Variants in PDLIM5 observed in about 807,000 individuals in gnomAD.
The protein encoded by PDLIM5 is PDZ and LIM domain 5.
Under a neutral mutation model 64.2 loss-of-function variants are expected in PDLIM5, and 34 were observed. That is an observed-to-expected ratio of 0.53 (90% confidence interval 0.40 to 0.71). The LOEUF (loss-of-function observed/expected upper bound fraction) is 0.71, where lower values mean the gene tolerates loss of function less well. Ranked by LOEUF, PDLIM5 falls within the 30% of genes least tolerant of loss-of-function variation. The pLI is 0.00. For missense variants in PDLIM5, 683 were observed against 733.6 expected (o/e 0.93, Z 0.80); for synonymous variants, 253 against 269.1 (o/e 0.94, Z 0.59).
At chr4:94,504,571 C>T (rs572292160) in intron 2 of PDLIM5, among the ~76,000 whole-genome samples, 13 of 152,310 alleles carry the variant, frequency 8.5e-5, no homozygotes, top group South Asian at 2.1e-4. Flanking sequence ...AGGTGTGAGC[C>T]GCCGTGCCTG....
chr4:94,639,959 G>A (rs1177341171), intron 8 of PDLIM5, among the ~76,000 whole-genome samples: 4 of 151,878 alleles, frequency 2.6e-5, no homozygotes, highest in African/African-American at 7.3e-5. Flanking sequence ...CCCAGGAGGC[G>A]GAGGATGCAG....
intron 7 of PDLIM5, among the ~76,000 whole-genome samples, chr4:94,616,220 C>T (rs1336446814): frequency 1.3e-5 from 2 of 151,934 alleles, no homozygotes; most frequent in South Asian, 2.1e-4. Context: ...GTAATTTAAT[C>T]CCAGAATGAA....
chr4:94,605,378 A>T (rs1298617609), intron 7 of PDLIM5, among the ~76,000 whole-genome samples: 1 of 152,250 alleles, frequency 6.6e-6, no homozygotes, highest in African/African-American at 2.4e-5. Context: ...ATGCATGAAT[A>T]GCTCTTTGTT....
At chr4:94,515,342 T>C (rs1384785032) in intron 2 of PDLIM5, among the ~76,000 whole-genome samples, 2 of 152,206 alleles carry the variant, frequency 1.3e-5, no homozygotes, top group Admixed American at 6.5e-5. Context: ...ATTATTAAGG[T>C]TTTTAAAAAG....
In PDLIM5 at chr4:94,654,533, A is replaced by G; in HGVS notation, c.1357A>G (p.Met453Val). ...EFNCAHCKNTMAYIGFVEEKG... is the reference protein window; with the variant it reads ...EFNCAHCKNTVAYIGFVEEKG... ...CAACTGCGCTCACTGCAAAAATACAATGGCCTACATTGGATTTGTAGAGGA... is the reference window on the plus strand; with the variant it reads ...CAACTGCGCTCACTGCAAAAATACAGTGGCCTACATTGGATTTGTAGAGGA... The change falls in exon 10 of 13, where the codon ATG (methionine) becomes GTG (valine). Residue 453 changes from methionine (M) to valine (V), a missense_variant. Transcript: ENST00000317968. 2.5e-6 allele frequency: 4 copies of G among 1,611,086 alleles called. No homozygotes were observed. The highest frequency in any genetic ancestry group is 1.7e-4 in the Middle Eastern group (1 of 6,056).
At chr4:94,646,896 T>A (rs1339207539) in intron 9 of PDLIM5, among the ~76,000 whole-genome samples, 1 of 152,122 alleles carries the variant, frequency 6.6e-6, no homozygotes, top group East Asian at 1.9e-4. Context: ...CTCAGGTATG[T>A]TCCTTCTTTT....
At chr4:94,545,242 C>T (rs1341922224) in intron 3 of PDLIM5, among the ~76,000 whole-genome samples, 1 of 152,164 alleles carries the variant, frequency 6.6e-6, no homozygotes, top group African/African-American at 2.4e-5. Flanking sequence ...AGCAATAAAA[C>T]TCTTGAAACC....
chr4:94,547,036 G>A (rs1359709099), intron 3 of PDLIM5, among the ~76,000 whole-genome samples: 1 of 151,932 alleles, frequency 6.6e-6, no homozygotes, highest in Non-Finnish European at 1.5e-5. Flanking sequence ...CCAGAACATG[G>A]TTAATTCTGA....
At chr4:94,509,634 G>A (rs544531520) in intron 2 of PDLIM5, among the ~76,000 whole-genome samples, 1 of 152,132 alleles carries the variant, frequency 6.6e-6, no homozygotes, top group Non-Finnish European at 1.5e-5. Context: ...ATTAACTCAC[G>A]TGATCACAAG....
At chr4:94,511,811 C>G (rs1219029205) in intron 2 of PDLIM5, among the ~76,000 whole-genome samples, 1 of 152,130 alleles carries the variant, frequency 6.6e-6, no homozygotes, top group African/African-American at 2.4e-5. Context: ...GGATCTCATT[C>G]CTTTTTATGG....
chr4:94,642,568 T>G (rs1175400370), intron 9 of PDLIM5, among the ~76,000 whole-genome samples: 1 of 152,216 alleles, frequency 6.6e-6, no homozygotes, highest in East Asian at 1.9e-4. Context: ...TATCCAGTAC[T>G]TGTTATCAGT....
At chr4:94,586,336 C>T in intron 6 of PDLIM5, 72 bp from the exon 7 acceptor site, 2 of 789,882 alleles carry the variant, frequency 2.5e-6, no homozygotes, top group Non-Finnish European at 2.2e-6. Flanking sequence ...TTGATTGGTG[C>T]AGGTAATTGC....
chr4:94,526,368 C>T (rs1730351011), intron 3 of PDLIM5, among the ~76,000 whole-genome samples: 1 of 152,144 alleles, frequency 6.6e-6, no homozygotes, highest in Admixed American at 6.5e-5. Context: ...ACAAAATTGA[C>T]TTGTTATAAA....
rs373777752 is a variant in PDLIM5 at position 94,455,523 on chromosome 4, T to C, written c.96+139T>C. ...TTTGATCTTGGCAAATTTGATTATC[T>C]ATAATAAAGGATGAGGGGAGTAGAT... On this transcript the variant is annotated intron_variant, in intron 2 of 12. Transcript: ENST00000317968. 2.3e-5 allele frequency: 16 copies of C among 697,932 alleles called. No individual in the cohort carries two copies. The African/African-American group carries it at 2.3e-4, about 10-fold the overall frequency. The allele number at this position is 697,932 out of a possible 1,614,324, so 43.2% of individuals were successfully genotyped here.
chr4:94,484,546 A>G (rs1300960750), intron 2 of PDLIM5, among the ~76,000 whole-genome samples: 2 of 152,176 alleles, frequency 1.3e-5, no homozygotes, highest in Non-Finnish European at 2.9e-5. Flanking sequence ...ATGCATTCTT[A>G]TTTGTATCTC....
intron 4 of PDLIM5, among the ~76,000 whole-genome samples, chr4:94,574,835 T>G (rs1735114640): frequency 6.6e-6 from 1 of 152,092 alleles, no homozygotes; most frequent in South Asian, 2.1e-4. Context: ...GATGGGGAAA[T>G]ATTGAAGATT....
intron 3 of PDLIM5, among the ~76,000 whole-genome samples, chr4:94,542,619 T>C (rs756627047): frequency 1.3e-5 from 2 of 152,184 alleles, no homozygotes; most frequent in African/African-American, 4.8e-5. Context: ...ATTGTTGTGC[T>C]TCAATAGTGT....
rs780896682 is a variant in PDLIM5, at chr4:94,585,687, C to T, written c.833C>T (p.Thr278Ile). ...GACTGGCGTCCAAGGACTGGAACAA[C>T]TCAGTCTCGCTCTTTCCGAATCCTT... ...TEDWRPRTGT[T>I]QSRSFRILAQ... Residue 278 changes from threonine to isoleucine, a missense_variant, in exon 6 of 13, where the codon ACT becomes ATT. Coordinates refer to ENST00000317968, the MANE Select transcript of PDLIM5 (RefSeq NM_006457.5). 7 of 1,613,748 alleles carry T rather than the reference C, an allele frequency of 4.3e-6. No homozygotes were observed. In the African/African-American group the frequency reaches 6.7e-5, roughly 15 times the overall value.
intron 7 of PDLIM5, chr4:94,608,081 C>A: frequency 6.5e-7 from 1 of 1,531,660 alleles, no homozygotes; most frequent in Non-Finnish European, 8.7e-7. Context: ...TCTGGAAGAC[C>A]TACCTAAGAG....
Sources: allele counts gnomAD v4.1 joint callset (sites outside exome capture counted in the v4.1 genomes callset), GRCh38; gene constraint gnomAD v4.1.1; transcripts MANE v1.5; gene names NCBI Gene and HGNC (gene_info 2026-07-23, HGNC 2026-07-21).